ST7: variants seen among roughly 807,000 people sequenced by gnomAD.
The protein encoded by ST7 is suppression of tumorigenicity 7.
ST7 carries 28 observed loss-of-function variants against 78.7 expected under a neutral mutation model. The observed-to-expected ratio is 0.36, with a 90% confidence interval of 0.26 to 0.49. ST7 has a LOEUF of 0.49. Ranked by LOEUF, ST7 falls within the 20% of genes least tolerant of loss-of-function variation. ST7 has a pLI of 0.99. For missense variants in ST7, 418 were observed against 696.0 expected (o/e 0.60, Z 4.49); for synonymous variants, 247 against 249.6 (o/e 0.99, Z 0.10).
chr7:117,020,334 C>T (rs1795822546), intron 1 of ST7: 3 of 460,566 alleles, frequency 6.5e-6, no homozygotes, highest in African/African-American at 2.0e-5. Flanking sequence ...GCACGTCGGC[C>T]TTCATTTGCC....
At chr7:117,008,308 G>C (rs1795239292) in intron 1 of ST7, among the ~76,000 whole-genome samples, 1 of 152,204 alleles carries the variant, frequency 6.6e-6, no homozygotes, top group African/African-American at 2.4e-5. Flanking sequence ...TAACTGTGCA[G>C]TTAGGATTGT....
intron 1 of ST7, among the ~76,000 whole-genome samples, chr7:117,050,669 G>A (rs569234110): frequency 1.3e-5 from 2 of 152,228 alleles, no homozygotes; most frequent in South Asian, 2.1e-4. Context: ...GGTGGCTCAC[G>A]CCTGTGATAC....
At chr7:116,989,839 CAA>C (rs955157624) in intron 1 of ST7, among the ~76,000 whole-genome samples, 1 of 151,412 alleles carries the variant, frequency 6.6e-6, no homozygotes, top group African/African-American at 2.4e-5. Flanking sequence ...ACCCTCTCTC[CAA>C]AAAAAAATTT....
chr7:117,182,483 T>G, intron 10 of ST7, among the ~76,000 whole-genome samples: 1 of 152,226 alleles, frequency 6.6e-6, no homozygotes, highest in Admixed American at 6.5e-5. Flanking sequence ...GATTTGAAAT[T>G]TAATGGAATC....
chr7:117,192,011 A>G (rs1034853907), intron 12 of ST7, among the ~76,000 whole-genome samples: 6 of 152,148 alleles, frequency 3.9e-5, no homozygotes, highest in African/African-American at 1.4e-4. Context: ...CTTAGCAGGA[A>G]ATTGAAGAGT....
At chr7:117,035,960 T>C (rs1348332264) in intron 1 of ST7, among the ~76,000 whole-genome samples, 1 of 152,192 alleles carries the variant, frequency 6.6e-6, no homozygotes, top group Non-Finnish European at 1.5e-5. Flanking sequence ...TTGAGAAGTA[T>C]ACAAGAAGTT....
chr7:117,193,770 C>G (rs1394677276), intron 12 of ST7, among the ~76,000 whole-genome samples: 1 of 152,210 alleles, frequency 6.6e-6, no homozygotes, highest in Non-Finnish European at 1.5e-5. Context: ...TGGCCCACCA[C>G]AGGAATTTTT....
At chr7:117,158,718 C>CT (rs958814592) in intron 9 of ST7, among the ~76,000 whole-genome samples, 1 of 152,192 alleles carries the variant, frequency 6.6e-6, no homozygotes, top group Admixed American at 6.5e-5. Context: ...AAATGGAACT[C>CT]TCGTGGGCCT....
At chr7:117,139,013 T>G (rs906408102) in intron 9 of ST7, among the ~76,000 whole-genome samples, 1 of 152,174 alleles carries the variant, frequency 6.6e-6, no homozygotes, top group African/African-American at 2.4e-5. Flanking sequence ...ATATTATGAG[T>G]TAATCCTATT....
chr7:117,054,564 T>G (rs1181282840), intron 1 of ST7, among the ~76,000 whole-genome samples: 2 of 152,264 alleles, frequency 1.3e-5, no homozygotes, highest in African/African-American at 2.4e-5. Flanking sequence ...ATAAGTGAAT[T>G]CTGCCTTTGT....
intron 1 of ST7, among the ~76,000 whole-genome samples, chr7:117,044,242 G>A (rs1004223840): frequency 2.6e-5 from 4 of 152,160 alleles, no homozygotes; most frequent in Non-Finnish European, 4.4e-5. Context: ...TTGCATGAGG[G>A]TATCTTTCCA....
chr7:117,093,851 A>G (rs1800827320), intron 1 of ST7, among the ~76,000 whole-genome samples: 1 of 152,214 alleles, frequency 6.6e-6, no homozygotes, highest in East Asian at 1.9e-4. Context: ...TACTTTTAAA[A>G]TTTTATAGAC....
chr7:117,148,584 A>G (rs1352612325), intron 9 of ST7, among the ~76,000 whole-genome samples: 3 of 152,130 alleles, frequency 2.0e-5, no homozygotes, highest in Non-Finnish European at 4.4e-5. Flanking sequence ...CCCATTGAAA[A>G]TATCTTCCAC....
chr7:117,014,195 T>A (rs1365961301), intron 1 of ST7, among the ~76,000 whole-genome samples: 1 of 152,236 alleles, frequency 6.6e-6, no homozygotes, highest in Non-Finnish European at 1.5e-5. Flanking sequence ...AAAATTTATT[T>A]ATGTTTCGTC....
chr7:117,035,119 GTTTTT>G (rs61562340), intron 1 of ST7, among the ~76,000 whole-genome samples: 9 of 135,676 alleles, frequency 6.6e-5, no homozygotes, highest in Non-Finnish European at 7.9e-5. Context: ...AAGCTGGGCA[GTTTTT>G]TTTTTTTTTT....
chr7:116,967,688 TAGG>T (rs1238635729), intron 1 of ST7, among the ~76,000 whole-genome samples: 4 of 152,248 alleles, frequency 2.6e-5, no homozygotes, highest in South Asian at 2.1e-4. Flanking sequence ...ATAGGACTGT[TAGG>T]AGGATTAAAT....
chr7:117,131,792 A>T, intron 5 of ST7, 93 bp from the exon 6 acceptor site: 2 of 1,116,872 alleles, frequency 1.8e-6, no homozygotes, highest in Non-Finnish European at 2.7e-6. Context: ...CTTGTAATTT[A>T]AGCTGACACT....
chr7:116,998,346 C>T (rs536762759), intron 1 of ST7, among the ~76,000 whole-genome samples: 15 of 152,322 alleles, frequency 9.8e-5, no homozygotes, highest in African/African-American at 2.6e-4. Flanking sequence ...CCGCAAGTGC[C>T]GTGTGCAGCC....
chr7:117,138,593 C>T, intron 9 of ST7, 61 bp downstream of exon 9: 1 of 1,213,796 alleles, frequency 8.2e-7, no homozygotes, highest in South Asian at 1.3e-5. Flanking sequence ...GCTGAATGGC[C>T]ATAGCAGTCT....
Sources: allele counts gnomAD v4.1 joint callset (sites outside exome capture counted in the v4.1 genomes callset), GRCh38; gene constraint gnomAD v4.1.1; transcripts MANE v1.5; gene names NCBI Gene and HGNC (gene_info 2026-07-23, HGNC 2026-07-21).